The following KPNA1 variants were observed in gnomAD, a reference collection of about 807,000 sequenced individuals.
KPNA1 encodes the protein karyopherin subunit alpha 1, also known as importin subunit alpha-5.
A neutral mutation model predicts 70.5 loss-of-function variants in KPNA1; 10 were observed. That is an observed-to-expected ratio of 0.14 (90% confidence interval 0.09 to 0.24). The LOEUF is 0.24. KPNA1 is among the 10% of genes least tolerant of loss of function. The pLI is 1.00. For synonymous variants in KPNA1, 192 were observed against 221.9 expected (o/e 0.87, Z 1.20); for missense variants, 397 against 637.9 (o/e 0.62, Z 4.07).
intron 1 of KPNA1, among the ~76,000 whole-genome samples, chr3:122,501,216 T>C (rs968465467): frequency 2.6e-5 from 4 of 151,310 alleles, no homozygotes; most frequent in Admixed American, 2.6e-4. Context: ...TTTAGTAGAG[T>C]CGAGGTTTCA....
intron 2 of KPNA1, among the ~76,000 whole-genome samples, chr3:122,481,380 A>G (rs974215100): frequency 6.6e-6 from 1 of 152,248 alleles, no homozygotes; most frequent in Non-Finnish European, 1.5e-5. Context: ...ACATGGATCA[A>G]TCTTTAACAC....
intron 3 of KPNA1, among the ~76,000 whole-genome samples, chr3:122,464,916 C>G (rs2076363584): frequency 6.6e-6 from 1 of 152,164 alleles, no homozygotes; most frequent in African/African-American, 2.4e-5. Context: ...ATGACGCATT[C>G]TACTCAAGAA....
intron 2 of KPNA1, 86 bp downstream of exon 2, chr3:122,496,351 C>CT: frequency 7.8e-7 from 1 of 1,279,684 alleles, no homozygotes; most frequent in East Asian, 2.5e-5. Flanking sequence ...CACACACACC[C>CT]CAACTTTGCT....
chr3:122,444,736 C>T (rs1009543946), intron 9 of KPNA1, among the ~76,000 whole-genome samples: 5 of 152,206 alleles, frequency 3.3e-5, no homozygotes, highest in Non-Finnish European at 7.3e-5. Context: ...GTTCTGTGGC[C>T]TCTGCTGGTA....
intron 2 of KPNA1, among the ~76,000 whole-genome samples, chr3:122,489,299 G>GT (rs200563789): frequency 0.025 from 3,656 of 143,450 alleles, 91 homozygotes; most frequent in East Asian, 0.12. Context: ...TTTTTTGTTT[G>GT]TTTTTTTTTT....
At position 122,422,211 on chromosome 3, in the gene KPNA1, C is replaced by T. The variant is rs1314810172; in HGVS notation, c.*4774G>A. 2 of 152,164 alleles carry T rather than the reference C, an allele frequency of 1.3e-5. No individual in the cohort carries two copies. The highest frequency in any genetic ancestry group is 2.4e-5 in the African/African-American group (1 of 41,440). The allele number at this position is 152,164 out of a possible 1,614,324, so 9.4% of individuals were successfully genotyped here. On this transcript the variant is annotated 3_prime_UTR_variant, in exon 14 of 14. Transcript: ENST00000344337. The stretch of plus-strand genomic sequence containing the variant: ...AGGAAGAAGTAGACTGTGTTAAATT[C>T]GCATCCATGGCACTGCTTCCTGAGG...
rs750911948 is a variant in KPNA1, at chr3:122,427,668, C to T, written c.1299G>A (p.Thr433=). 3.1e-6 allele frequency: 5 copies of T among 1,613,500 alleles called. No homozygotes were observed. Among genetic ancestry groups the T allele is most frequent in the Admixed American group, 1.7e-5 (1 of 59,974 alleles). The stretch of plus-strand genomic sequence containing the variant: ...CCTGTACAATCTTAGAGTCCATGAC[C>T]GTGAGGAGATCACAGAGCGGCTTGA... ...GCIKPLCDLL[T]VMDSKIVQVA... Residue 433 remains threonine (T), a synonymous_variant, in exon 13 of 14, where the codon ACG becomes ACA. Coordinates refer to ENST00000344337, the MANE Select transcript of KPNA1 (RefSeq NM_002264.4).
chr3:122,506,770 T>G (rs2076894845), intron 1 of KPNA1, among the ~76,000 whole-genome samples: 1 of 152,178 alleles, frequency 6.6e-6, no homozygotes, highest in African/African-American at 2.4e-5. Flanking sequence ...TTGCCCCAAA[T>G]TCTGACCCCC....
At chr3:122,428,088 T>A (rs912468682) in intron 12 of KPNA1, among the ~76,000 whole-genome samples, 1 of 152,228 alleles carries the variant, frequency 6.6e-6, no homozygotes, top group African/African-American at 2.4e-5. Context: ...CTCTTGGTGC[T>A]AAAAGCCAGC....
In KPNA1 at chr3:122,421,970, TTGAA is replaced by T. The variant is rs1433155601; in HGVS notation, c.*5011_*5014del. 4 of 152,266 alleles carry T rather than the reference TTGAA, an allele frequency of 2.6e-5. No individual in the cohort carries two copies. Among genetic ancestry groups the T allele is most frequent in the African/African-American group, 7.2e-5 (3 of 41,458 alleles). The allele number at this position is 152,266 out of a possible 1,614,324, so 9.4% of individuals were successfully genotyped here. A position where few individuals can be genotyped will look rare whatever the true frequency, so the allele number is the denominator to read the frequency against. On this transcript the variant is annotated 3_prime_UTR_variant, in exon 14 of 14. Transcript: ENST00000344337. ...TGCATATTCCTTCATTTAGTATTTA[TTGAA>T]TGTCTACTATGTGCAAGGCACTCAC...
At chr3:122,478,026 G>T (rs1480094619) in intron 2 of KPNA1, among the ~76,000 whole-genome samples, 47 of 151,772 alleles carry the variant, frequency 3.1e-4, no homozygotes, top group South Asian at 2.5e-3. Context: ...GCTGGGCGTG[G>T]TGGCACGTGC....
intron 12 of KPNA1, chr3:122,432,563 G>A (rs1013167099): frequency 6.6e-6 from 1 of 152,202 alleles, no homozygotes; most frequent in Non-Finnish European, 1.5e-5. Flanking sequence ...GTATGAGTAA[G>A]GAGTTAATGC....
intron 2 of KPNA1, among the ~76,000 whole-genome samples, chr3:122,495,477 A>G (rs1050201578): frequency 1.1e-4 from 16 of 152,274 alleles, no homozygotes; most frequent in African/African-American, 3.4e-4. Flanking sequence ...TGCCAATAAT[A>G]AAGTGCTTGA....
intron 2 of KPNA1, among the ~76,000 whole-genome samples, chr3:122,480,039 T>C (rs941526307): frequency 1.1e-4 from 17 of 152,076 alleles, no homozygotes; most frequent in Admixed American, 3.3e-4. Context: ...ATAATACATA[T>C]TATTAAGTGA....
intron 1 of KPNA1, among the ~76,000 whole-genome samples, chr3:122,512,682 G>C (rs571097476): frequency 6.6e-6 from 1 of 152,196 alleles, no homozygotes; most frequent in African/African-American, 2.4e-5. Context: ...CCGAGATCGC[G>C]TCACTGCCCA....
chr3:122,507,915 T>A (rs1201580690), intron 1 of KPNA1, among the ~76,000 whole-genome samples: 1 of 152,138 alleles, frequency 6.6e-6, no homozygotes, highest in South Asian at 2.1e-4. Flanking sequence ...AGAACACTTA[T>A]GAGGGTTTTC....
intron 5 of KPNA1, chr3:122,459,620 T>C: frequency 1.0e-6 from 1 of 985,436 alleles, no homozygotes; most frequent in Non-Finnish European, 1.2e-6. Context: ...AACGTGATTA[T>C]TTTTCAGGTG....
chr3:122,424,735 T>C lies in KPNA1; in HGVS notation c.*2250A>G, dbSNP rs2075799876. The C allele has an allele frequency of 6.6e-6, 1 of 152,666 alleles. No individual in the cohort carries two copies. Among genetic ancestry groups the C allele is most frequent in the Non-Finnish European group, 1.5e-5 (1 of 68,040 alleles). The allele number at this position is 152,666 out of a possible 1,614,324, so 9.5% of individuals were successfully genotyped here. The stretch of plus-strand genomic sequence containing the variant: ...GCTTATAAAATGAAATTATTTTAAC[T>C]ATCCAATGGAAGGTACATAATTTAA... On this transcript the variant is annotated 3_prime_UTR_variant, in exon 14 of 14. Coordinates refer to ENST00000344337, the MANE Select transcript of KPNA1 (RefSeq NM_002264.4).
At chr3:122,464,814 A>G (rs2076362648) in intron 3 of KPNA1, among the ~76,000 whole-genome samples, 1 of 152,210 alleles carries the variant, frequency 6.6e-6, no homozygotes, top group African/African-American at 2.4e-5. Flanking sequence ...GAAGGGTAGC[A>G]GTCAACAAGA....
Sources: gnomAD v4.1 joint callset for allele counts (sites outside exome capture counted in the v4.1 genomes callset) on GRCh38, gnomAD v4.1.1 for gene constraint, MANE v1.5 for transcripts, NCBI Gene and HGNC (gene_info 2026-07-23, HGNC 2026-07-21) for gene names.